Variants in CCDC68 observed in about 807,000 individuals in gnomAD.
CCDC68 encodes the protein coiled-coil domain containing 68, also known as coiled-coil domain-containing protein 68.
CCDC68 carries 45 observed loss-of-function variants against 47.1 expected under a neutral mutation model. The ratio of observed to expected loss-of-function variants is 0.96; its 90% confidence interval spans 0.75 to 1.23. The LOEUF (loss-of-function observed/expected upper bound fraction) is 1.23. Ranked by LOEUF, CCDC68 falls within the 50% of genes most tolerant of loss-of-function variation. CCDC68 has a pLI of 0.00. For synonymous variants in CCDC68, 131 were observed against 129.5 expected (o/e 1.01, Z -0.08); for missense variants, 353 against 373.6 (o/e 0.94, Z 0.45).
At position 54,941,134 on chromosome 18, in the gene CCDC68, G is replaced by A. The variant is rs184085256; in HGVS notation, c.118-51C>T. On this transcript the variant is annotated intron_variant, in intron 3 of 11. Transcript: ENST00000591504. ...GTTTCAAAGGCATTTAATGCCAAAC[G>A]CTTTTTTTCTCAATACCAGTTACAG... is the stretch of plus-strand genomic sequence containing the variant. 5.3e-4 allele frequency: 699 copies of A among 1,310,396 alleles called. 1 individual carries two copies. In the African/African-American group the frequency reaches 8.6e-3, roughly 16 times the overall value. The allele number at this position is 1,310,396 out of a possible 1,614,324, so 81.2% of individuals were successfully genotyped here. A position where few individuals can be genotyped will look rare whatever the true frequency, so the allele number is the denominator to read the frequency against.
At chr18:54,950,897 CTTTTTTTTTTTTTT>C (rs869026740) in intron 1 of CCDC68, among the ~76,000 whole-genome samples, 12 of 61,946 alleles carry the variant, frequency 1.9e-4, no homozygotes, top group Non-Finnish European at 2.7e-4. Context: ...ATTCAGATGT[CTTTTTTTTTTTTTT>C]TTTTTTTTTT....
chr18:54,957,551 A>G (rs375942145), intron 1 of CCDC68, among the ~76,000 whole-genome samples: 1 of 152,180 alleles, frequency 6.6e-6, no homozygotes, highest in East Asian at 1.9e-4. Context: ...TATTGTTTCA[A>G]TGAATACATG....
At position 54,914,611 on chromosome 18, in the gene CCDC68, G is replaced by C. The variant is rs149439921; in HGVS notation, c.873+3302C>G. Among the ~76,000 whole-genome samples, 1,427 of 152,122 alleles carry C rather than the reference G, an allele frequency of 9.4e-3. 21 individuals are homozygous for C. Among genetic ancestry groups the C allele is most frequent in the African/African-American group, 0.033 (1,359 of 41,490 alleles). ...ACTGCACTCCAGCCTGGGTGACAAA[G>C]TGAGACTCCATCTCAAAAAAAGAAA... On this transcript the variant is annotated intron_variant, in intron 10 of 11. Transcript: ENST00000591504.
intron 1 of CCDC68, among the ~76,000 whole-genome samples, chr18:54,948,140 A>G (rs1307261684): frequency 6.6e-6 from 1 of 152,162 alleles, no homozygotes; most frequent in Non-Finnish European, 1.5e-5. Context: ...CCTAACCCCC[A>G]GTTCCTCAGA....
chr18:54,910,479 T>A (rs1914292947), intron 10 of CCDC68, among the ~76,000 whole-genome samples: 1 of 152,158 alleles, frequency 6.6e-6, no homozygotes, highest in South Asian at 2.1e-4. Flanking sequence ...TGGGCAGCCA[T>A]GAATGGGCCC....
At chr18:54,952,978 A>C (rs2044643867) in intron 1 of CCDC68, among the ~76,000 whole-genome samples, 1 of 151,930 alleles carries the variant, frequency 6.6e-6, no homozygotes, top group South Asian at 2.1e-4. Flanking sequence ...GTGCCACTGC[A>C]CTCCAGCCTG....
At chr18:54,949,414 AG>A (rs1235188815) in intron 1 of CCDC68, among the ~76,000 whole-genome samples, 2 of 152,174 alleles carry the variant, frequency 1.3e-5, no homozygotes, top group African/African-American at 2.4e-5. Context: ...CGTTTGCCTA[AG>A]GAGTTGTCTC....
In CCDC68 at chr18:54,941,063, CT is replaced by C. The variant is rs775427865; in HGVS notation, c.137del (p.Lys46ArgfsTer11). 6.2e-7 allele frequency: 1 copy of C among 1,612,280 alleles called. No homozygotes were observed. The highest frequency in any genetic ancestry group is 8.5e-7 in the Non-Finnish European group (1 of 1,178,738). On this transcript the variant is annotated frameshift_variant, in exon 4 of 12. Transcript: ENST00000591504. LOFTEE classifies it high-confidence loss of function. The part of the protein sequence containing the change: ...YVKKIRTTLQ[K>X]IRTQMFKDEI... The stretch of plus-strand genomic sequence containing the variant: ...CATCTTTAAACATCTGGGTCCTGAT[CT>C]TTTGCAGAGTAGTTCGAATCTAGAG...
intron 10 of CCDC68, among the ~76,000 whole-genome samples, chr18:54,916,374 A>G (rs994776343): frequency 6.6e-6 from 1 of 152,184 alleles, no homozygotes; most frequent in Non-Finnish European, 1.5e-5. Context: ...AACTATTATT[A>G]TGATTTTTTA....
At chr18:54,929,099 C>T (rs1285805411) in intron 7 of CCDC68, among the ~76,000 whole-genome samples, 1 of 152,196 alleles carries the variant, frequency 6.6e-6, no homozygotes, top group Admixed American at 6.5e-5. Context: ...CTCTCACCTG[C>T]CTGGAGGACT....
At position 54,904,084 on chromosome 18, in the gene CCDC68, ATTTTT is replaced by A; in HGVS notation, c.*269_*273del. 1 of 232,556 alleles carries A rather than the reference ATTTTT, an allele frequency of 4.3e-6. No individual in the cohort carries two copies. The highest frequency in any genetic ancestry group is 8.2e-6 in the Non-Finnish European group (1 of 121,836). The allele number at this position is 232,556 out of a possible 1,614,324, so 14.4% of individuals were successfully genotyped here. Reference sequence around the variant, plus strand: ...AAAAAAATCTGAAAACAAGATTCAGATTTTTTTTTTTTTTTAATTTAAAGCAGAAT... The same window carrying A: ...AAAAAAATCTGAAAACAAGATTCAGATTTTTTTTTTAATTTAAAGCAGAAT... On this transcript the variant is annotated 3_prime_UTR_variant, in exon 12 of 12. Transcript: ENST00000591504.
chr18:54,912,753 T>C (rs930458713), intron 10 of CCDC68, among the ~76,000 whole-genome samples: 2 of 152,116 alleles, frequency 1.3e-5, no homozygotes, highest in Admixed American at 6.5e-5. Flanking sequence ...GGACTCACAG[T>C]TCCACATGGC....
chr18:54,957,962 G>T (rs1321595696), intron 1 of CCDC68: 1 of 152,022 alleles, frequency 6.6e-6, no homozygotes, highest in African/African-American at 2.4e-5. Context: ...CCAAAATTTG[G>T]ATTACAACTC....
At chr18:54,949,864 A>C (rs952397567) in intron 1 of CCDC68, among the ~76,000 whole-genome samples, 1 of 152,178 alleles carries the variant, frequency 6.6e-6, no homozygotes, top group Admixed American at 6.5e-5. Context: ...GTCATTGTTC[A>C]GGAAAGGGAA....
intron 9 of CCDC68, among the ~76,000 whole-genome samples, chr18:54,918,766 C>A (rs1001012743): frequency 1.3e-5 from 2 of 152,172 alleles, no homozygotes; most frequent in African/African-American, 2.4e-5. Flanking sequence ...CAGATCAATG[C>A]ATATCTTGAA....
At chr18:54,918,472 A>C (rs1184267737) in intron 9 of CCDC68, among the ~76,000 whole-genome samples, 1 of 152,228 alleles carries the variant, frequency 6.6e-6, no homozygotes, top group Admixed American at 6.5e-5. Context: ...GATGCAAAGC[A>C]GTGTAAGAAG....
At chr18:54,908,264 A>T (rs775731061) in intron 10 of CCDC68, among the ~76,000 whole-genome samples, 4 of 152,134 alleles carry the variant, frequency 2.6e-5, no homozygotes, top group Non-Finnish European at 5.9e-5. Flanking sequence ...ACCCCATGAA[A>T]ATAGGTACCA....
chr18:54,927,836 G>A (rs982111903), intron 8 of CCDC68, among the ~76,000 whole-genome samples: 1 of 152,190 alleles, frequency 6.6e-6, no homozygotes, highest in African/African-American at 2.4e-5. Flanking sequence ...GGTCCAAAAT[G>A]CAGGATTACA....
At chr18:54,941,695 A>G (rs1017288242) in intron 3 of CCDC68, among the ~76,000 whole-genome samples, 1 of 152,228 alleles carries the variant, frequency 6.6e-6, no homozygotes, top group South Asian at 2.1e-4. Flanking sequence ...TAATCCAAAA[A>G]GGTAAAATAT....
Sources: gnomAD v4.1 joint callset for allele counts (sites outside exome capture counted in the v4.1 genomes callset) on GRCh38, gnomAD v4.1.1 for gene constraint, MANE v1.5 for transcripts, NCBI Gene and HGNC (gene_info 2026-07-23, HGNC 2026-07-21) for gene names.